The following REDIC1 variants were observed in gnomAD, a reference collection of about 807,000 sequenced individuals.
REDIC1 encodes the protein regulator of DNA class I crossover intermediates 1.
chr12:39,785,731 A>C, the REDIC1 span, among the ~76,000 whole-genome samples: 1 of 152,112 alleles, frequency 6.6e-6, no homozygotes, highest in South Asian at 2.1e-4. Context: ...ACAGGGGCGG[A>C]GCTGCCCAAG....
At chr12:39,727,423 C>T in the REDIC1 span, among the ~76,000 whole-genome samples, 1 of 152,136 alleles carries the variant, frequency 6.6e-6, no homozygotes, top group Admixed American at 6.6e-5. Flanking sequence ...TTCCCCATTG[C>T]TTGTTTTTGT....
At chr12:39,793,662 T>G in the REDIC1 span, among the ~76,000 whole-genome samples, 1 of 152,156 alleles carries the variant, frequency 6.6e-6, no homozygotes, top group Non-Finnish European at 1.5e-5. Flanking sequence ...GTTAGGTAGA[T>G]GGAGCTGGGA....
chr12:39,904,430 G>A, the REDIC1 span, among the ~76,000 whole-genome samples: 5 of 152,194 alleles, frequency 3.3e-5, no homozygotes, highest in East Asian at 5.8e-4. Flanking sequence ...AACCTTGTGA[G>A]CAGGTCTTTC....
At chr12:39,760,272 A>T in the REDIC1 span, 1 of 1,581,412 alleles carries the variant, frequency 6.3e-7, no homozygotes, top group East Asian at 2.3e-5. Flanking sequence ...AATATAATAG[A>T]TACATGAATA....
chr12:39,747,026 C>A, the REDIC1 span, among the ~76,000 whole-genome samples: 2 of 152,190 alleles, frequency 1.3e-5, no homozygotes, highest in South Asian at 4.1e-4. Flanking sequence ...CACCTCTCCC[C>A]CTCCAAAGGA....
the REDIC1 span, among the ~76,000 whole-genome samples, chr12:39,699,749 A>C: frequency 3.3e-5 from 5 of 152,208 alleles, no homozygotes; most frequent in African/African-American, 1.2e-4. Context: ...GAGATCTGAG[A>C]ACAGGCAGAA....
At chr12:39,896,997 A>G in the REDIC1 span, among the ~76,000 whole-genome samples, 1 of 152,302 alleles carries the variant, frequency 6.6e-6, no homozygotes, top group African/African-American at 2.4e-5. Flanking sequence ...GGGGTTTAGT[A>G]AAAGAAAAAA....
At chr12:39,794,076 C>G in the REDIC1 span, among the ~76,000 whole-genome samples, 3 of 133,788 alleles carry the variant, frequency 2.2e-5, no homozygotes, top group Admixed American at 8.7e-5. Context: ...CTCTTTTGAG[C>G]TAGCAATTCC....
At chr12:39,726,919 G>A in the REDIC1 span, among the ~76,000 whole-genome samples, 1 of 152,308 alleles carries the variant, frequency 6.6e-6, no homozygotes, top group East Asian at 1.9e-4. Context: ...GACCAGCGAT[G>A]ATGAGCTTTT....
chr12:39,678,853 G>A, the REDIC1 span, among the ~76,000 whole-genome samples: 3 of 151,922 alleles, frequency 2.0e-5, no homozygotes, highest in African/African-American at 4.8e-5. Flanking sequence ...AGAATTATAT[G>A]ATCATTTCAA....
chr12:39,713,839 G>C, the REDIC1 span, among the ~76,000 whole-genome samples: 11 of 138,732 alleles, frequency 7.9e-5, no homozygotes, highest in Non-Finnish European at 1.1e-4. Context: ...GTATATACAC[G>C]TATATATATG....
At chr12:39,793,672 A>T in the REDIC1 span, among the ~76,000 whole-genome samples, 351 of 152,096 alleles carry the variant, frequency 2.3e-3, 1 homozygote, top group African/African-American at 8.1e-3. Flanking sequence ...TGGAGCTGGG[A>T]CCTCTGATTT....
At chr12:39,785,115 A>T in the REDIC1 span, among the ~76,000 whole-genome samples, 1 of 152,178 alleles carries the variant, frequency 6.6e-6, no homozygotes, top group Non-Finnish European at 1.5e-5. Flanking sequence ...GCCTAATGTG[A>T]ATCCCCAAGA....
chr12:39,741,490 G>C, the REDIC1 span, among the ~76,000 whole-genome samples: 91 of 152,208 alleles, frequency 6.0e-4, 1 homozygote, highest in Non-Finnish European at 1.3e-4. Flanking sequence ...CAAGGCTTCA[G>C]ATATGAAGAA....
the REDIC1 span, among the ~76,000 whole-genome samples, chr12:39,746,934 A>G: frequency 1.3e-5 from 2 of 152,230 alleles, 1 homozygote; most frequent in South Asian, 4.1e-4. Context: ...GTACATCACC[A>G]TTATCAAAGA....
At chr12:39,851,312 G>C in the REDIC1 span, among the ~76,000 whole-genome samples, 1 of 152,122 alleles carries the variant, frequency 6.6e-6, no homozygotes, top group Non-Finnish European at 1.5e-5. Context: ...TAACTTTTCT[G>C]TTTGTGAAGA....
At chr12:39,857,133 T>C in the REDIC1 span, among the ~76,000 whole-genome samples, 1 of 152,208 alleles carries the variant, frequency 6.6e-6, no homozygotes, top group African/African-American at 2.4e-5. Flanking sequence ...TACATGTTTT[T>C]CCCCCTTTAT....
the REDIC1 span, among the ~76,000 whole-genome samples, chr12:39,697,017 G>T: frequency 3.3e-5 from 5 of 152,228 alleles, no homozygotes; most frequent in African/African-American, 1.2e-4. Flanking sequence ...GTATAAGAAG[G>T]TTATAGAACA....
the REDIC1 span, among the ~76,000 whole-genome samples, chr12:39,679,878 A>C: frequency 6.6e-6 from 1 of 152,152 alleles, no homozygotes; most frequent in Admixed American, 6.5e-5. Context: ...GCAAACCAAA[A>C]CATAAAGTGG....
Sources: allele counts gnomAD v4.1 joint callset (sites outside exome capture counted in the v4.1 genomes callset), GRCh38; gene constraint gnomAD v4.1.1; transcripts MANE v1.5; gene names NCBI Gene and HGNC (gene_info 2026-07-23, HGNC 2026-07-21).